Variants in ETNK1 observed in about 807,000 individuals in gnomAD.
The protein encoded by ETNK1 is putative protein product of Nbla10396.
Under a neutral mutation model 45.1 loss-of-function variants are expected in ETNK1, and 8 were observed. That is an observed-to-expected ratio of 0.18 (90% confidence interval 0.10 to 0.32). The LOEUF (loss-of-function observed/expected upper bound fraction) is 0.32. ETNK1 is among the 10% of genes least tolerant of loss of function. The pLI is 1.00. For synonymous variants in ETNK1, 152 were observed against 151.9 expected (o/e 1.00, Z -0.01); for missense variants, 302 against 430.6 (o/e 0.70, Z 2.64).
At chr12:22,630,936 TA>T (rs1953571681) in intron 1 of ETNK1, among the ~76,000 whole-genome samples, 1 of 152,058 alleles carries the variant, frequency 6.6e-6, no homozygotes, top group African/African-American at 2.4e-5. Flanking sequence ...AGGTAAATTA[TA>T]TCATGTATTA....
At chr12:22,635,080 G>A (rs969325178) in intron 1 of ETNK1, among the ~76,000 whole-genome samples, 4 of 152,192 alleles carry the variant, frequency 2.6e-5, no homozygotes, top group African/African-American at 9.7e-5. Flanking sequence ...CATGCACACA[G>A]CCTTTCCACC....
At chr12:22,679,602 T>G (rs1954193929) in intron 6 of ETNK1, among the ~76,000 whole-genome samples, 3 of 152,096 alleles carry the variant, frequency 2.0e-5, no homozygotes, top group Admixed American at 1.3e-4. Flanking sequence ...CATCATAGGG[T>G]CCGATAAGAC....
At chr12:22,654,625 C>T (rs1953916897) in intron 2 of ETNK1, among the ~76,000 whole-genome samples, 1 of 152,018 alleles carries the variant, frequency 6.6e-6, no homozygotes. Flanking sequence ...AAGTTCTGAC[C>T]ACAAGAACAG....
intron 6 of ETNK1, among the ~76,000 whole-genome samples, chr12:22,683,210 A>G (rs554768769): frequency 1.3e-5 from 2 of 151,142 alleles, no homozygotes; most frequent in Non-Finnish European, 2.9e-5. Context: ...TCTTTGCTAC[A>G]TTGTTTATTC....
chr12:22,684,852 A>G (rs1954246174), intron 7 of ETNK1, 30 bp from the exon 8 acceptor site: 3 of 1,561,636 alleles, frequency 1.9e-6, no homozygotes, highest in East Asian at 4.5e-5. Context: ...AGCTTTGACT[A>G]ATTTTTTTGT....
intron 2 of ETNK1, among the ~76,000 whole-genome samples, chr12:22,648,963 A>G (rs560511110): frequency 6.6e-6 from 1 of 152,066 alleles, no homozygotes; most frequent in East Asian, 1.9e-4. Context: ...CATTTCCCTG[A>G]TATGTGATAT....
At chr12:22,662,993 T>C (rs16925255) in intron 4 of ETNK1, among the ~76,000 whole-genome samples, 7,111 of 152,262 alleles carry the variant, frequency 0.047, 541 homozygotes, top group African/African-American at 0.16. Flanking sequence ...ATTTCAATGT[T>C]GATTAGAGAT....
At chr12:22,635,343 C>T (rs1347767859) in intron 1 of ETNK1, among the ~76,000 whole-genome samples, 1 of 152,158 alleles carries the variant, frequency 6.6e-6, no homozygotes, top group Non-Finnish European at 1.5e-5. Context: ...TGTGTGTAGA[C>T]CAGTTGTTGG....
intron 2 of ETNK1, chr12:22,644,587 A>T (rs1230380576): frequency 4.2e-5 from 9 of 215,628 alleles, no homozygotes; most frequent in Admixed American, 1.8e-4. Context: ...TTCATAGGTT[A>T]GACCAGCAGT....
chr12:22,644,651 T>G (rs1953783692), intron 2 of ETNK1: 1 of 158,896 alleles, frequency 6.3e-6, no homozygotes, highest in Non-Finnish European at 1.4e-5. Flanking sequence ...CTCTTTGTTT[T>G]AATATTTGAT....
At chr12:22,683,780 A>G (rs989771693) in intron 6 of ETNK1, among the ~76,000 whole-genome samples, 1 of 152,142 alleles carries the variant, frequency 6.6e-6, no homozygotes, top group African/African-American at 2.4e-5. Flanking sequence ...TGTCTTTAAT[A>G]CTGTTTCTAC....
At position 22,643,918 on chromosome 12, in the gene ETNK1, G is replaced by A. The variant is rs560364691; in HGVS notation, c.312G>A (p.Gly104=). 4.3e-6 allele frequency: 7 copies of A among 1,613,350 alleles called. No homozygotes were observed. The highest frequency in any genetic ancestry group is 5.9e-6 in the Non-Finnish European group (7 of 1,179,548). The change falls in exon 2 of 8, where the codon GGG becomes GGA. Residue 104 remains glycine (G), a synonymous_variant. Transcript: ENST00000266517. ...VKSFRVLQAH[G]CAPQLYCTFN... ...GTTTTCGAGTGTTGCAGGCTCATGG[G>A]TGTGCACCACAACTCTACTGTACCT... is the stretch of plus-strand genomic sequence containing the variant.
At chr12:22,683,116 G>C (rs902606500) in intron 6 of ETNK1, among the ~76,000 whole-genome samples, 1 of 152,200 alleles carries the variant, frequency 6.6e-6, no homozygotes, top group East Asian at 1.9e-4. Flanking sequence ...AACGCACCAC[G>C]TGAAGTGCTT....
At chr12:22,682,563 A>G (rs1008065678) in intron 6 of ETNK1, among the ~76,000 whole-genome samples, 4 of 152,098 alleles carry the variant, frequency 2.6e-5, no homozygotes, top group Non-Finnish European at 4.4e-5. Flanking sequence ...TGTACTGCCT[A>G]TTTCCTCCCA....
rs1481697551 is a variant in ETNK1 at position 22,625,438 on chromosome 12, A to G, written c.8A>G (p.Asn3Ser). The G allele has an allele frequency of 1.9e-5, 30 of 1,588,256 alleles. No homozygotes were observed. Among genetic ancestry groups the G allele is most frequent in the Admixed American group, 3.5e-5 (2 of 57,390 alleles). ...TCCGCCGTCGCCTGGGCCATGGCCA[A>G]TTACATCCACGTCCCTCCCGGCTCC... MA[N>S]YIHVPPGSPE... Residue 3 changes from asparagine to serine, a missense_variant, in exon 1 of 8, where the codon AAT becomes AGT. Asn to Ser is a conservative substitution (Grantham distance 46, BLOSUM62 1). Transcript: ENST00000266517.
intron 2 of ETNK1, chr12:22,656,938 C>T (rs1173402556): frequency 2.2e-5 from 11 of 498,064 alleles, no homozygotes; most frequent in Non-Finnish European, 2.6e-5. Flanking sequence ...TATCTTTCTT[C>T]AAGCTTTTTG....
At chr12:22,637,879 TTA>T (rs1326047593) in intron 1 of ETNK1, among the ~76,000 whole-genome samples, 10 of 151,164 alleles carry the variant, frequency 6.6e-5, no homozygotes, top group Non-Finnish European at 1.3e-4. Context: ...GAGAGAGTGT[TTA>T]TGTGTGAAGG....
intron 2 of ETNK1, among the ~76,000 whole-genome samples, chr12:22,658,052 G>C (rs1953961683): frequency 6.6e-6 from 1 of 152,120 alleles, no homozygotes; most frequent in African/African-American, 2.4e-5. Flanking sequence ...TGCACACCAG[G>C]CCAGTTAAAT....
At chr12:22,683,970 G>A (rs761488677) in intron 6 of ETNK1, among the ~76,000 whole-genome samples, 28 of 152,070 alleles carry the variant, frequency 1.8e-4, no homozygotes, top group Admixed American at 5.9e-4. Context: ...GACATAAGTT[G>A]TGTTACTTTA....
Sources: gnomAD v4.1 joint callset for allele counts (sites outside exome capture counted in the v4.1 genomes callset) on GRCh38, gnomAD v4.1.1 for gene constraint, MANE v1.5 for transcripts, NCBI Gene and HGNC (gene_info 2026-07-23, HGNC 2026-07-21) for gene names.